USP32: variants seen among roughly 807,000 people sequenced by gnomAD.
USP32 encodes ubiquitin carboxyl-terminal hydrolase 32.
In USP32, 59 loss-of-function variants were observed where a neutral mutation model predicts 204.8. The observed-to-expected ratio is 0.29, with a 90% CI of 0.23 to 0.36. USP32 has a LOEUF of 0.36. Among genes scored for constraint, USP32 ranks in the 10% least tolerant of loss-of-function variants. The pLI is 1.00. For missense variants in USP32, 1,160 were observed against 1,946.4 expected, an observed-to-expected ratio of 0.60 and a Z score of 7.60; for synonymous variants, 517 against 678.4, an observed-to-expected ratio of 0.76 and a Z score of 3.70.
chr17:60,397,399 A>G (rs940231211), intron 1 of USP32, among the ~76,000 whole-genome samples: 7 of 152,206 alleles, frequency 4.6e-5, no homozygotes, highest in Middle Eastern at 3.4e-3. Context: ...GTCTCTCTCT[A>G]TCACTCAGGC....
chr17:60,211,272 A>C, intron 20 of USP32, 104 bp downstream of exon 20: 5 of 1,521,014 alleles, frequency 3.3e-6, no homozygotes, highest in Non-Finnish European at 4.4e-6. Context: ...AGGGCAAATA[A>C]GATAAAATCT....
intron 1 of USP32, among the ~76,000 whole-genome samples, chr17:60,353,547 C>T (rs1259953836): frequency 6.6e-6 from 1 of 152,066 alleles, no homozygotes; most frequent in Non-Finnish European, 1.5e-5. Flanking sequence ...TCGAGACCAG[C>T]TTGGCCAACA....
chr17:60,205,418 G>C, intron 26 of USP32, 29 bp downstream of exon 26: 1 of 1,601,118 alleles, frequency 6.2e-7, no homozygotes, highest in Non-Finnish European at 8.5e-7. Flanking sequence ...TAGCAAGACT[G>C]GCAGTGAGTT....
chr17:60,267,630 C>A lies in USP32; in HGVS notation c.812-1539G>T, dbSNP rs563597019. Among the ~76,000 whole-genome samples, 50 of 152,002 alleles carry A rather than the reference C, an allele frequency of 3.3e-4. No individual in the cohort carries two copies. In the East Asian group the frequency reaches 9.3e-3, roughly 28 times the overall value. On this transcript the variant is annotated intron_variant, in intron 7 of 33. Coordinates refer to ENST00000300896, the MANE Select transcript of USP32 (RefSeq NM_032582.4). ...CCGCCTCCTGGGTTGAAGCGATTCT[C>A]CTGCCTCAGCCTCCCGAGTAGCTGG...
intron 1 of USP32, among the ~76,000 whole-genome samples, chr17:60,397,258 A>G (rs2146156506): frequency 6.6e-6 from 1 of 152,318 alleles, no homozygotes; most frequent in South Asian, 2.1e-4. Flanking sequence ...TCACCTTAAT[A>G]TGCTTTCTTA....
At chr17:60,251,706 C>A (rs181650190) in intron 11 of USP32, among the ~76,000 whole-genome samples, 1 of 151,838 alleles carries the variant, frequency 6.6e-6, no homozygotes, top group Non-Finnish European at 1.5e-5. Flanking sequence ...AAATATAATC[C>A]GGATATTTGA....
intron 1 of USP32, among the ~76,000 whole-genome samples, chr17:60,363,454 CAAA>C (rs148426945): frequency 3.0e-5 from 1 of 32,848 alleles, no homozygotes; most frequent in Admixed American, 3.5e-4. Context: ...GACTCTGTCT[CAAA>C]AAAAAAAAAA....
In USP32 at chr17:60,190,650, T is replaced by C. The variant is rs1421798205; in HGVS notation, c.3555A>G (p.Glu1185=). The C allele has an allele frequency of 2.5e-6, 4 of 1,604,464 alleles. No individual in the cohort carries two copies. In the Admixed American group the frequency reaches 6.9e-5, roughly 28 times the overall value. ...FCRGCKIDCG[E]DRAFIGNAYI... ...AGGCATTTCCAATGAAAGCTCTGTC[T>C]TCCCCACAATCAATTTTACAGCCTC... Residue 1185 remains glutamate, a synonymous_variant, in exon 29 of 34, where the codon GAA becomes GAG. Transcript: ENST00000300896.
At chr17:60,372,543 T>TAA (rs78554998) in intron 1 of USP32, among the ~76,000 whole-genome samples, 144 of 121,924 alleles carry the variant, frequency 1.2e-3, no homozygotes, top group African/African-American at 3.8e-3. Flanking sequence ...GCCTTAAAGA[T>TAA]AAAAAAAAAA....
intron 5 of USP32, among the ~76,000 whole-genome samples, chr17:60,278,088 G>A (rs1386616714): frequency 6.6e-6 from 1 of 151,842 alleles, no homozygotes; most frequent in Non-Finnish European, 1.5e-5. Flanking sequence ...CAAATTTTTT[G>A]TAGAGACGGG....
At chr17:60,220,890 C>T (rs1387458024) in intron 15 of USP32, among the ~76,000 whole-genome samples, 1 of 151,832 alleles carries the variant, frequency 6.6e-6, no homozygotes, top group Non-Finnish European at 1.5e-5. Context: ...CTTCGTGATC[C>T]GCCCGCCTCA....
chr17:60,273,789 A>T (rs1022631528), intron 5 of USP32, among the ~76,000 whole-genome samples: 2 of 151,818 alleles, frequency 1.3e-5, no homozygotes, highest in Non-Finnish European at 2.9e-5. Flanking sequence ...TGAAACCCCC[A>T]TCGCTACTAA....
intron 13 of USP32, among the ~76,000 whole-genome samples, chr17:60,224,673 C>T (rs1382991516): frequency 6.6e-6 from 1 of 152,168 alleles, no homozygotes; most frequent in Admixed American, 6.5e-5. Context: ...GTCCCAGCTA[C>T]CAGGTAGGCT....
chr17:60,379,932 GT>G (rs1320378203), intron 1 of USP32, among the ~76,000 whole-genome samples: 6 of 152,212 alleles, frequency 3.9e-5, no homozygotes, highest in African/African-American at 1.4e-4. Flanking sequence ...TTAAAAAAAG[GT>G]TACTCTTCAG....
At chr17:60,212,358 A>G (rs995033150) in intron 18 of USP32, among the ~76,000 whole-genome samples, 4 of 152,218 alleles carry the variant, frequency 2.6e-5, no homozygotes, top group Non-Finnish European at 5.9e-5. Context: ...CTTGGCTACA[A>G]ACCTGTACAG....
At chr17:60,302,331 G>A (rs1343943514) in intron 2 of USP32, among the ~76,000 whole-genome samples, 1 of 152,040 alleles carries the variant, frequency 6.6e-6, no homozygotes, top group East Asian at 1.9e-4. Flanking sequence ...ATTTTTAGTA[G>A]AGATGGCATT....
At chr17:60,243,320 A>C (rs568100318) in intron 11 of USP32, among the ~76,000 whole-genome samples, 4 of 152,104 alleles carry the variant, frequency 2.6e-5, no homozygotes, top group African/African-American at 9.6e-5. Context: ...AGACAGTTTT[A>C]TTTTTCTTTA....
At chr17:60,374,128 G>A (rs1285059847) in intron 1 of USP32, among the ~76,000 whole-genome samples, 1 of 151,834 alleles carries the variant, frequency 6.6e-6, no homozygotes, top group Non-Finnish European at 1.5e-5. Flanking sequence ...AGGTTGCAGT[G>A]TGCAGAGATC....
At chr17:60,421,892 T>G (rs2090121626) in intron 1 of USP32, 4 of 985,278 alleles carry the variant, frequency 4.1e-6, no homozygotes, top group Non-Finnish European at 4.8e-6. Context: ...TCTCAGCGCC[T>G]CCTGTGTGAA....
Sources: gnomAD v4.1 joint callset for allele counts (sites outside exome capture counted in the v4.1 genomes callset) on GRCh38, gnomAD v4.1.1 for gene constraint, MANE v1.5 for transcripts, NCBI Gene and HGNC (gene_info 2026-07-23, HGNC 2026-07-21) for gene names.